Variants in SPEF2 observed in about 807,000 individuals in gnomAD.
SPEF2 encodes the protein sperm flagellar and cilia associated 2.
Under a neutral mutation model 224.6 loss-of-function variants are expected in SPEF2, and 187 were observed. That is an observed-to-expected ratio of 0.83 (90% CI 0.74 to 0.94). The LOEUF (loss-of-function observed/expected upper bound fraction) is 0.94, where lower values mean the gene tolerates loss of function less well. Ranked by LOEUF, SPEF2 falls within the 40% of genes least tolerant of loss-of-function variation. SPEF2 has a pLI of 0.00. For synonymous variants in SPEF2, 715 were observed against 707.3 expected, an observed-to-expected ratio of 1.01 and a Z score of -0.17; for missense variants, 2,170 against 2,135.6, an observed-to-expected ratio of 1.02 and a Z score of -0.32.
chr5:35,793,322 C>CT lies in SPEF2; in HGVS notation c.4722dup (p.Glu1575Ter), dbSNP rs771495078. 1 of 1,613,756 alleles carries CT rather than the reference C, an allele frequency of 6.2e-7. No homozygotes were observed. The highest frequency in any genetic ancestry group is 8.5e-7 in the Non-Finnish European group (1 of 1,179,870). On this transcript the variant is annotated frameshift_variant, in exon 32 of 37. Transcript: ENST00000356031. LOFTEE classifies it high-confidence loss of function. ...GATAAGGAGCAGTTGGGCACCATCA[C>CT]TTTTGAGCAGTATATGCAGGTTGTT...
At chr5:35,699,723 T>C (rs1440400545) in intron 15 of SPEF2, 2 of 152,188 alleles carry the variant, frequency 1.3e-5, no homozygotes, top group Non-Finnish European at 2.9e-5. Flanking sequence ...TGTTACCCCA[T>C]TGTATGAATT....
At chr5:35,638,403 G>A (rs1322689126) in intron 2 of SPEF2, among the ~76,000 whole-genome samples, 1 of 151,750 alleles carries the variant, frequency 6.6e-6, no homozygotes, top group East Asian at 1.9e-4. Context: ...TCCCATCAAC[G>A]GAGAATCCTA....
intron 2 of SPEF2, among the ~76,000 whole-genome samples, chr5:35,639,243 C>A (rs891099959): frequency 5.3e-5 from 8 of 152,248 alleles, no homozygotes; most frequent in African/African-American, 1.4e-4. Flanking sequence ...CACCACGAGT[C>A]ATTGCATTCC....
chr5:35,630,780 G>A (rs1353171932), intron 2 of SPEF2, among the ~76,000 whole-genome samples: 1 of 152,182 alleles, frequency 6.6e-6, no homozygotes, highest in Non-Finnish European at 1.5e-5. Flanking sequence ...GATCTCTAGG[G>A]CAGGCGTAAA....
intron 14 of SPEF2, among the ~76,000 whole-genome samples, chr5:35,697,166 G>A (rs1755455488): frequency 6.6e-6 from 1 of 152,180 alleles, no homozygotes; most frequent in Non-Finnish European, 1.5e-5. Context: ...CAGTGATATT[G>A]AGTAGCTTGT....
chr5:35,649,639 A>G (rs1198234514), intron 6 of SPEF2, among the ~76,000 whole-genome samples: 1 of 152,234 alleles, frequency 6.6e-6, no homozygotes, highest in African/African-American at 2.4e-5. Context: ...CTATTACGAA[A>G]TGTAAAGTTG....
At position 35,644,401 on chromosome 5, in the gene SPEF2, G is replaced by A. The variant is rs763690016; in HGVS notation, c.461G>A (p.Arg154Gln). 23 of 1,605,698 alleles carry A rather than the reference G, an allele frequency of 1.4e-5. No homozygotes were observed. Among genetic ancestry groups the A allele is most frequent in the East Asian group, 2.2e-5 (1 of 44,658 alleles). Residue 154 changes from arginine (R) to glutamine (Q), a missense_variant, in exon 4 of 37, where the codon CGG becomes CAG. By Grantham distance (43) the Arg-to-Gln change is conservative. Coordinates refer to ENST00000356031, the MANE Select transcript of SPEF2 (RefSeq NM_024867.4). ...CGTCAAACTGATTTCAATCTGATGC[G>A]GATTACATACAGGTTTCAAGAAAAA... ...IPRQTDFNLM[R>Q]ITYRFQEKYK...
chr5:35,654,796 A>G (rs898608554), intron 7 of SPEF2, 70 bp downstream of exon 7: 6 of 1,362,916 alleles, frequency 4.4e-6, no homozygotes, highest in Non-Finnish European at 6.0e-6. Flanking sequence ...CTATACACAT[A>G]ATATGTAGTT....
intron 12 of SPEF2, among the ~76,000 whole-genome samples, chr5:35,694,068 G>A (rs1241549593): frequency 6.6e-6 from 1 of 152,082 alleles, no homozygotes; most frequent in African/African-American, 2.4e-5. Flanking sequence ...TACATCACAG[G>A]TTGCTGTGTA....
In SPEF2 at chr5:35,808,143, G is replaced by T. The variant is rs1023239069; in HGVS notation, c.5379+890G>T. 4.9e-5 allele frequency: 48 copies of T among 986,796 alleles called. No homozygotes were observed. The African/African-American group carries it at 8.0e-4, about 17-fold the overall frequency. The allele number at this position is 986,796 out of a possible 1,614,324, so 61.1% of individuals were successfully genotyped here. On this transcript the variant is annotated intron_variant, in intron 36 of 36. Transcript: ENST00000356031. The stretch of plus-strand genomic sequence containing the variant: ...ACTATTCAGACTTAAATATCTTCCT[G>T]TGTGCCTAAACGTTTTTGTTCTAAG...
At chr5:35,622,290 A>G (rs1380203143) in intron 1 of SPEF2, among the ~76,000 whole-genome samples, 1 of 152,066 alleles carries the variant, frequency 6.6e-6, no homozygotes, top group Non-Finnish European at 1.5e-5. Context: ...CATTAATGAC[A>G]CTTTGTTGAT....
chr5:35,799,917 C>G (rs1207231368), intron 33 of SPEF2, 51 bp from the exon 34 acceptor site: 1 of 1,592,360 alleles, frequency 6.3e-7, no homozygotes, highest in Non-Finnish European at 8.6e-7. Flanking sequence ...TGACTAACTA[C>G]TGACTATGAG....
intron 34 of SPEF2, among the ~76,000 whole-genome samples, chr5:35,801,512 CAA>C (rs113114692): frequency 4.3e-5 from 6 of 139,618 alleles, no homozygotes; most frequent in Admixed American, 1.4e-4. Context: ...GACTCCATCT[CAA>C]AAAAAAAAAA....
At chr5:35,790,561 A>T (rs1755808365) in intron 30 of SPEF2, 1 of 389,280 alleles carries the variant, frequency 2.6e-6, no homozygotes, top group Non-Finnish European at 4.5e-6. Context: ...TGTTTCTTCT[A>T]TAGCTTTCTA....
intron 30 of SPEF2, chr5:35,789,599 A>T (rs200024515): frequency 3.1e-4 from 201 of 642,058 alleles, no homozygotes; most frequent in Non-Finnish European, 3.0e-4. Context: ...TTGTTTTAAC[A>T]CATCTTATCA....
intron 2 of SPEF2, 38 bp from the exon 3 acceptor site, chr5:35,641,393 T>C (rs1372589038): frequency 3.2e-6 from 5 of 1,566,486 alleles, no homozygotes; most frequent in Non-Finnish European, 4.3e-6. Flanking sequence ...TTTAATTTAA[T>C]GCTAATGTCT....
Position 35,695,739 on chromosome 5 carries a change from T to G in SPEF2, c.1980T>G (p.Ala660=). The G allele has an allele frequency of 6.2e-7, 1 of 1,609,738 alleles. No homozygotes were observed. The highest frequency in any genetic ancestry group is 8.5e-7 in the Non-Finnish European group (1 of 1,177,864). The change falls in exon 14 of 37, where the codon GCT becomes GCG. Residue 660 remains alanine, a synonymous_variant. Transcript: ENST00000356031. ...TACCACTTTTCCTATTGCTAGGTGC[T>G]AATGCTGATAAAACACCAAAAGCTG... ...PETEGETMLS[A]NADKTPKAEE...
intron 21 of SPEF2, among the ~76,000 whole-genome samples, chr5:35,729,631 C>T (rs1396959114): frequency 6.6e-6 from 1 of 152,148 alleles, no homozygotes; most frequent in Non-Finnish European, 1.5e-5. Context: ...CCACTCTGGA[C>T]TCCCCACACG....
At position 35,691,161 on chromosome 5, in the gene SPEF2, C is replaced by G; in HGVS notation, c.1649C>G (p.Ser550Ter). 1 of 1,614,058 alleles carries G rather than the reference C, an allele frequency of 6.2e-7. No individual in the cohort carries two copies. The highest frequency in any genetic ancestry group is 8.5e-7 in the Non-Finnish European group (1 of 1,179,982). The change falls in exon 11 of 37, where the codon TCA (serine) becomes TGA (stop). Residue 550 changes from serine (S) to a stop codon, truncating the protein, a stop_gained. Coordinates refer to ENST00000356031, the MANE Select transcript of SPEF2 (RefSeq NM_024867.4). LOFTEE classifies it high-confidence loss of function. ...AEKSLPPRAE[S>*]TTPELPSFAV... The stretch of plus-strand genomic sequence containing the variant: ...AAATCTCTTCCTCCTCGAGCGGAAT[C>G]AACAACACCTGAATTACCTTCATTT...
Sources: gnomAD v4.1 joint callset for allele counts (sites outside exome capture counted in the v4.1 genomes callset) on GRCh38, gnomAD v4.1.1 for gene constraint, MANE v1.5 for transcripts, NCBI Gene and HGNC (gene_info 2026-07-23, HGNC 2026-07-21) for gene names.